LRP4: variants seen among roughly 807,000 people sequenced by gnomAD.
LRP4 encodes the protein low-density lipoprotein receptor-related protein 4.
In LRP4, 95 loss-of-function variants were observed where a neutral mutation model predicts 220.3. The observed-to-expected ratio is 0.43, with a 90% CI of 0.37 to 0.51. The LOEUF is 0.51. Ranked by LOEUF, LRP4 falls within the 20% of genes least tolerant of loss-of-function variation. The pLI is 0.00. For missense variants in LRP4, 1,925 were observed against 2,567.0 expected, an observed-to-expected ratio of 0.75 and a Z score of 5.40; for synonymous variants, 903 against 954.6, an observed-to-expected ratio of 0.95 and a Z score of 1.00.
chr11:46,876,300 C>T, intron 25 of LRP4, among the ~76,000 whole-genome samples, 166 bp downstream of exon 25: 1 of 152,206 alleles, frequency 6.6e-6, no homozygotes, highest in African/African-American at 2.4e-5. Flanking sequence ...TTAACTTCTA[C>T]ACTGTACTGT....
chr11:46,908,991 G>A (rs1193233025), intron 1 of LRP4, among the ~76,000 whole-genome samples: 1 of 152,220 alleles, frequency 6.6e-6, no homozygotes, highest in Non-Finnish European at 1.5e-5. Flanking sequence ...GGAGAGCCAG[G>A]ATGGCAGCCC....
intron 1 of LRP4, among the ~76,000 whole-genome samples, chr11:46,906,290 T>G (rs1167772108): frequency 6.6e-6 from 1 of 152,086 alleles, no homozygotes; most frequent in Non-Finnish European, 1.5e-5. Context: ...AACCTGTCTC[T>G]ACTAAAAATA....
At chr11:46,867,955 T>C (rs760261122) in intron 34 of LRP4, 24 bp downstream of exon 34, 1 of 1,614,106 alleles carries the variant, frequency 6.2e-7, no homozygotes, top group South Asian at 1.1e-5. Context: ...AAAGGGCCCA[T>C]GATCCTGCAT....
In LRP4 at chr11:46,895,939, C is replaced by T; in HGVS notation, c.1128G>A (p.Val376=). 1 of 1,613,984 alleles carries T rather than the reference C, an allele frequency of 6.2e-7. No individual in the cohort carries two copies. The highest frequency in any genetic ancestry group is 8.5e-7 in the Non-Finnish European group (1 of 1,180,002). Residue 376 remains valine, a synonymous_variant, in exon 10 of 38, where the codon GTG becomes GTA. Transcript: ENST00000378623. The part of the protein sequence containing the change: ...AQKCQMVRGA[V]QCTCHTGYRL... ...GGTAGCCTGTGTGGCAGGTACACTGCACTGCCCCCCGCACCATCTGGCACT... is the reference window on the plus strand; with the variant it reads ...GGTAGCCTGTGTGGCAGGTACACTGTACTGCCCCCCGCACCATCTGGCACT...
At position 46,858,782 on chromosome 11, in the gene LRP4, G is replaced by A. The variant is rs1038703506; in HGVS notation, c.*201C>T. On this transcript the variant is annotated 3_prime_UTR_variant, in exon 38 of 38. Transcript: ENST00000378623. ...TGGTAAAATCCAGGTCTAAATTCTC[G>A]TGATGTGCCATCATTTCTTGTGCAC... The A allele has an allele frequency of 2.7e-5, 17 of 634,022 alleles. No homozygotes were observed. The highest frequency in any genetic ancestry group is 4.6e-5 in the Non-Finnish European group (16 of 349,998). The allele number at this position is 634,022 out of a possible 1,614,324, so 39.3% of individuals were successfully genotyped here.
chr11:46,916,055 G>A (rs1391202284), intron 1 of LRP4, among the ~76,000 whole-genome samples: 1 of 152,150 alleles, frequency 6.6e-6, no homozygotes, highest in Non-Finnish European at 1.5e-5. Context: ...GCCAGGTGAT[G>A]TGTATACCTT....
chr11:46,870,822 CTAA>C (rs1201139569), intron 31 of LRP4, among the ~76,000 whole-genome samples: 1 of 152,192 alleles, frequency 6.6e-6, no homozygotes, highest in African/African-American at 2.4e-5. Context: ...AAAGTGACAG[CTAA>C]TAATAATTAA....
At chr11:46,868,558 A>AG in intron 33 of LRP4, 42 bp downstream of exon 33, 1 of 1,425,408 alleles carries the variant, frequency 7.0e-7, no homozygotes, top group African/African-American at 1.4e-5. Context: ...CAGCCCTTCC[A>AG]GGGGCTCTGC....
At chr11:46,861,036 A>G (rs1253644744) in intron 37 of LRP4, 1 of 779,786 alleles carries the variant, frequency 1.3e-6, no homozygotes, top group Non-Finnish European at 1.6e-6. Flanking sequence ...CACTATTTTC[A>G]TTGCTATCCT....
intron 35 of LRP4, 38 bp from the exon 36 acceptor site, chr11:46,864,573 AC>A (rs759933072): frequency 2.2e-6 from 3 of 1,374,626 alleles, no homozygotes; most frequent in South Asian, 2.3e-5. Context: ...GGGGCCACCG[AC>A]AACTTTCTAG....
chr11:46,911,881 C>A (rs1435368893), intron 1 of LRP4, among the ~76,000 whole-genome samples: 3 of 135,202 alleles, frequency 2.2e-5, no homozygotes, highest in Non-Finnish European at 4.6e-5. Context: ...CTCGCTCTGT[C>A]GCTCAGCCTG....
At position 46,873,379 on chromosome 11, in the gene LRP4, T is replaced by C; in HGVS notation, c.4444A>G (p.Lys1482Glu). 1 of 1,614,112 alleles carries C rather than the reference T, an allele frequency of 6.2e-7. No individual in the cohort carries two copies. Among genetic ancestry groups the C allele is most frequent in the East Asian group, 2.2e-5 (1 of 44,876 alleles). The change falls in exon 29 of 38, where the codon AAG becomes GAG. Residue 1482 changes from lysine to glutamate, a missense_variant. Coordinates refer to ENST00000378623, the MANE Select transcript of LRP4 (RefSeq NM_002334.4). The surrounding 1 kb of genome is among the most constrained non-coding windows in gnomAD (Gnocchi z 4.2). ...EPRAIAVFPR[K>E]GYLFWTDWGH... is the part of the protein sequence containing the mutation. Reference sequence around the variant, plus strand: ...TTCTGCTGGCCATAAACTTACCCCTTCCTGGGGAAAACAGCAATGGCCCGG... The same window carrying C: ...TTCTGCTGGCCATAAACTTACCCCTCCCTGGGGAAAACAGCAATGGCCCGG...
rs1311656499 is a variant in LRP4 at position 46,873,426 on chromosome 11, A to G, written c.4397T>C (p.Ile1466Thr). 2 of 1,613,998 alleles carry G rather than the reference A, an allele frequency of 1.2e-6. No homozygotes were observed. Among genetic ancestry groups the G allele is most frequent in the Admixed American group, 3.3e-5 (2 of 59,992 alleles). Residue 1466 changes from isoleucine to threonine, a missense_variant, in exon 29 of 38, where the codon ATC (isoleucine) becomes ACC (threonine). Around this residue, in one of 3 missense-constraint regions of LRP4, gnomAD observed 1,244 missense variants for 1,624.9 expected, o/e 0.77. Transcript: ENST00000378623. This position sits in a 1 kb window ranked among gnomAD's most constrained non-coding sequence, Gnocchi z 4.2. ...RLDGSCRKVL[I>T]NNSLDEPRAI... ...CCGGGGCTCATCCAGGCTATTGTTG[A>G]TCAGTACTTTGCGGCAGGAACCATC... is the stretch of plus-strand genomic sequence containing the variant.
chr11:46,880,765 G>C (rs1243058789), intron 20 of LRP4, among the ~76,000 whole-genome samples: 2 of 151,938 alleles, frequency 1.3e-5, no homozygotes, highest in Non-Finnish European at 2.9e-5. Context: ...GTGAAATTGG[G>C]CAAGGACTAT....
Position 46,877,180 on chromosome 11 carries a change from AAG to A in LRP4, c.3277+17_3277+18del. 1.2e-6 allele frequency: 2 copies of A among 1,613,432 alleles called. No individual in the cohort carries two copies. Among genetic ancestry groups the A allele is most frequent in the East Asian group, 2.2e-5 (1 of 44,866 alleles). On this transcript the variant is annotated intron_variant, in intron 23 of 37. Transcript: ENST00000378623. ...GGGCAGGGACAGAAGGCCAGGTGGG[AAG>A]AGAGGGCCATACAGACCTTCCTGGG... is the stretch of plus-strand genomic sequence containing the variant.
Position 46,896,291 on chromosome 11 carries a change from G to T in LRP4, c.967C>A (p.Arg323Ser), listed in dbSNP as rs772004553. Residue 323 changes from arginine (R) to serine (S), a missense_variant, in exon 9 of 38, where the codon CGC becomes AGC. Physicochemically the swap from Arg to Ser is moderately radical, Grantham distance 110. Coordinates refer to ENST00000378623, the MANE Select transcript of LRP4 (RefSeq NM_002334.4). ...CACAGCTTCCTCTGCCCAATGCAGC[G>T]CCCATTCCAACACAGGAACTGGTCC... ...ALDQFLCWNG[R>S]CIGQRKLCNG... 1.2e-6 allele frequency: 2 copies of T among 1,614,134 alleles called. No individual in the cohort carries two copies. Among genetic ancestry groups the T allele is most frequent in the Non-Finnish European group, 1.7e-6 (2 of 1,180,040 alleles).
At chr11:46,906,886 TCCGCTGCAGTGAAGGGCGGGCAG>T (rs1192953171) in intron 1 of LRP4, among the ~76,000 whole-genome samples, 1 of 152,134 alleles carries the variant, frequency 6.6e-6, no homozygotes, top group Admixed American at 6.5e-5. Flanking sequence ...CATCTCAGCG[TCCGCTGCAGTGAAGGGCGGGCAG>T]CCACCGGTCA....
intron 1 of LRP4, among the ~76,000 whole-genome samples, chr11:46,905,805 T>A (rs1306162021): frequency 6.9e-6 from 1 of 145,386 alleles, no homozygotes; most frequent in African/African-American, 2.6e-5. Flanking sequence ...TGAGGGGAGA[T>A]CATGCCATTG....
At position 46,899,436 on chromosome 11, in the gene LRP4, G is replaced by C; in HGVS notation, c.498C>G (p.Tyr166Ter). 3.1e-6 allele frequency: 5 copies of C among 1,614,130 alleles called. No individual in the cohort carries two copies. The highest frequency in any genetic ancestry group is 4.2e-6 in the Non-Finnish European group (5 of 1,179,996). ...SDGSCIAEHWYCDGDTDCKDG... is the reference protein window; with the variant it reads ...SDGSCIAEHW ...CTTTGCAGTCGGTGTCACCGTCGCA[G>C]TACCAATGCTCAGCAATGCAGCTTC... is the stretch of plus-strand genomic sequence containing the variant. The change falls in exon 5 of 38, where the codon TAC becomes TAG. Residue 166 changes from tyrosine to a stop codon, truncating the protein, a stop_gained. Coordinates refer to ENST00000378623, the MANE Select transcript of LRP4 (RefSeq NM_002334.4). LOFTEE classifies it high-confidence loss of function. This position sits in a 1 kb window ranked among gnomAD's most constrained non-coding sequence, Gnocchi z 5.9.
Sources: allele counts gnomAD v4.1 joint callset (sites outside exome capture counted in the v4.1 genomes callset), GRCh38; gene constraint gnomAD v4.1.1; regional missense constraint gnomAD v4.1.1; non-coding constraint Gnocchi (gnomAD v3.1); transcripts MANE v1.5; gene names NCBI Gene and HGNC (gene_info 2026-07-23, HGNC 2026-07-21).